Variants in B3GLCT observed in about 807,000 individuals in gnomAD.
B3GLCT encodes the protein beta 3-glucosyltransferase.
A neutral mutation model predicts 63.4 loss-of-function variants in B3GLCT; 65 were observed. The observed-to-expected ratio is 1.03, with a 90% CI of 0.84 to 1.26. B3GLCT has a LOEUF of 1.26. B3GLCT is among the 50% of genes most tolerant of loss of function. The pLI is 0.00. For missense variants in B3GLCT, 577 were observed against 604.8 expected (o/e 0.95, Z 0.48); for synonymous variants, 233 against 219.2 (o/e 1.06, Z -0.55).
At chr13:31,200,494 G>A (rs916526093) in intron 1 of B3GLCT, among the ~76,000 whole-genome samples, 3 of 150,128 alleles carry the variant, frequency 2.0e-5, no homozygotes, top group African/African-American at 7.3e-5. Context: ...CGCCCCCACA[G>A]GAAGCGCGCA....
intron 12 of B3GLCT, among the ~76,000 whole-genome samples, chr13:31,289,300 A>C (rs1041493398): frequency 2.0e-5 from 3 of 152,174 alleles, no homozygotes; most frequent in African/African-American, 7.2e-5. Flanking sequence ...GGGGGAAGAG[A>C]GATCAAAAAC....
At chr13:31,308,902 T>C (rs1874553622) in intron 12 of B3GLCT, among the ~76,000 whole-genome samples, 1 of 152,210 alleles carries the variant, frequency 6.6e-6, no homozygotes, top group South Asian at 2.1e-4. Context: ...CTAAGTTTGG[T>C]GTATGTAGTG....
At chr13:31,278,767 C>A (rs1230134499) in intron 10 of B3GLCT, among the ~76,000 whole-genome samples, 1 of 152,226 alleles carries the variant, frequency 6.6e-6, no homozygotes, top group Non-Finnish European at 1.5e-5. Flanking sequence ...AGGATAACAT[C>A]ACACTAACTG....
chr13:31,276,775 T>C lies in B3GLCT; in HGVS notation c.850+4T>C, dbSNP rs754730230. 1.9e-6 allele frequency: 3 copies of C among 1,607,116 alleles called. No individual in the cohort carries two copies. Among genetic ancestry groups the C allele is most frequent in the Middle Eastern group, 1.7e-4 (1 of 6,032 alleles). Reference sequence around the variant, plus strand: ...AAGAAATTTCATGGTGACAGAAGTATGTTTTGGGTTATTCATTTTATTGAA... The same window carrying C: ...AAGAAATTTCATGGTGACAGAAGTACGTTTTGGGTTATTCATTTTATTGAA... On this transcript the variant is annotated splice_donor_region_variant and intron_variant, in intron 10 of 14. Coordinates refer to ENST00000343307, the MANE Select transcript of B3GLCT (RefSeq NM_194318.4).
At position 31,218,930 on chromosome 13, in the gene B3GLCT, CT is replaced by C. The variant is rs34965262; in HGVS notation, c.120+3843del. The stretch of plus-strand genomic sequence containing the variant: ...AGGATGCTGAATTTTATCAGAAGCC[CT>C]TTTTTTTTTTTTGCTTCTATTCAGG... On this transcript the variant is annotated intron_variant, in intron 2 of 14. Transcript: ENST00000343307. 2.8e-3 allele frequency among the ~76,000 whole-genome samples: 403 copies of C among 144,210 alleles called. 3 individuals carry two copies. The highest frequency in any genetic ancestry group is 0.012 in the East Asian group (59 of 4,966). The allele number at this position is 144,210 out of a possible 152,430, so 94.6% of individuals were successfully genotyped here.
At chr13:31,255,163 A>G (rs1871673533) in intron 6 of B3GLCT, among the ~76,000 whole-genome samples, 1 of 152,218 alleles carries the variant, frequency 6.6e-6, no homozygotes, top group Non-Finnish European at 1.5e-5. Flanking sequence ...CACCAATAAC[A>G]GACAGAGAGC....
intron 12 of B3GLCT, among the ~76,000 whole-genome samples, chr13:31,311,031 C>G (rs2137922684): frequency 6.6e-6 from 1 of 152,368 alleles, no homozygotes; most frequent in African/African-American, 2.4e-5. Flanking sequence ...AGAGGTGCAG[C>G]TGGCCAACCG....
At chr13:31,256,775 G>A (rs759448813) in intron 6 of B3GLCT, among the ~76,000 whole-genome samples, 20 of 152,110 alleles carry the variant, frequency 1.3e-4, no homozygotes, top group Non-Finnish European at 2.2e-4. Context: ...CCTTGTGGGC[G>A]GTGGGGGGCT....
At chr13:31,317,276 A>C (rs1399990603) in intron 12 of B3GLCT, among the ~76,000 whole-genome samples, 1 of 152,200 alleles carries the variant, frequency 6.6e-6, no homozygotes, top group Non-Finnish European at 1.5e-5. Flanking sequence ...CACTCTCACC[A>C]CACAAATCAG....
intron 4 of B3GLCT, 75 bp downstream of exon 4, chr13:31,229,369 C>A: frequency 1.1e-6 from 1 of 892,166 alleles, no homozygotes; most frequent in South Asian, 1.3e-5. Flanking sequence ...AACACTGGAT[C>A]CGTGGAGAAT....
At chr13:31,281,975 A>G (rs1159336992) in intron 10 of B3GLCT, among the ~76,000 whole-genome samples, 11 of 152,216 alleles carry the variant, frequency 7.2e-5, no homozygotes, top group Non-Finnish European at 1.3e-4. Flanking sequence ...GATTTATGCC[A>G]TCTGTGCAGC....
intron 1 of B3GLCT, among the ~76,000 whole-genome samples, chr13:31,209,523 C>T (rs1340418110): frequency 6.6e-6 from 1 of 152,174 alleles, no homozygotes; most frequent in African/African-American, 2.4e-5. Flanking sequence ...AAAGAAGTGG[C>T]AGCCTGCATA....
At chr13:31,319,484 C>CA (rs1875222712) in intron 13 of B3GLCT, among the ~76,000 whole-genome samples, 1 of 152,182 alleles carries the variant, frequency 6.6e-6, no homozygotes, top group Non-Finnish European at 1.5e-5. Flanking sequence ...TATCCTGTTT[C>CA]ACTGACAGCC....
intron 4 of B3GLCT, among the ~76,000 whole-genome samples, chr13:31,234,712 G>A (rs1233581970): frequency 1.3e-5 from 2 of 152,066 alleles, no homozygotes; most frequent in Non-Finnish European, 2.9e-5. Flanking sequence ...CTTCTCTGGG[G>A]GCTTCTCTGA....
chr13:31,321,549 C>T (rs1875330741), intron 13 of B3GLCT, among the ~76,000 whole-genome samples: 1 of 152,234 alleles, frequency 6.6e-6, no homozygotes, highest in Non-Finnish European at 1.5e-5. Flanking sequence ...CATGCACACT[C>T]ACACATGAAA....
intron 4 of B3GLCT, among the ~76,000 whole-genome samples, chr13:31,236,819 A>G (rs1222128383): frequency 6.6e-6 from 1 of 152,142 alleles, no homozygotes; most frequent in African/African-American, 2.4e-5. Context: ...TATTCCATGA[A>G]TAGCACTTTA....
chr13:31,200,272 C>A, intron 1 of B3GLCT, 118 bp downstream of exon 1: 1 of 452,472 alleles, frequency 2.2e-6, no homozygotes, highest in Non-Finnish European at 2.9e-6. Context: ...GCCCCGCCGG[C>A]GCGCGCGTCC....
At chr13:31,315,561 G>T (rs1874954293) in intron 12 of B3GLCT, among the ~76,000 whole-genome samples, 2 of 152,204 alleles carry the variant, frequency 1.3e-5, no homozygotes, top group African/African-American at 4.8e-5. Context: ...CACAGAGATG[G>T]TTTGAAATTG....
intron 4 of B3GLCT, 87 bp from the exon 5 acceptor site, chr13:31,246,931 TTTTTC>T (rs916077071): frequency 5.5e-5 from 54 of 976,858 alleles, no homozygotes; most frequent in African/African-American, 4.9e-4. Flanking sequence ...CTTTTTTTCT[TTTTTC>T]TTTTCTTTTC....
Sources: allele counts gnomAD v4.1 joint callset (sites outside exome capture counted in the v4.1 genomes callset), GRCh38; gene constraint gnomAD v4.1.1; transcripts MANE v1.5; gene names NCBI Gene and HGNC (gene_info 2026-07-23, HGNC 2026-07-21).